PARN: variants seen among roughly 807,000 people sequenced by gnomAD.
The protein encoded by PARN is poly(A)-specific ribonuclease.
In PARN, 71 loss-of-function variants were observed where a neutral mutation model predicts 102.8. That is an observed-to-expected ratio of 0.69 (90% confidence interval 0.57 to 0.84). The LOEUF (loss-of-function observed/expected upper bound fraction) is 0.84, where lower values mean the gene tolerates loss of function less well. Among genes scored for constraint, PARN ranks in the 40% least tolerant of loss-of-function variants. The pLI, the probability that PARN is intolerant of heterozygous loss-of-function variation, is 0.00. For missense variants in PARN, 782 were observed against 760.9 expected (o/e 1.03, Z -0.33); for synonymous variants, 261 against 252.9 (o/e 1.03, Z -0.30).
chr16:14,552,543 C>T (rs1290702441), intron 20 of PARN, among the ~76,000 whole-genome samples: 1 of 152,178 alleles, frequency 6.6e-6, no homozygotes, highest in African/African-American at 2.4e-5. Flanking sequence ...GTGGCACAAT[C>T]TCAGCTCACT....
At chr16:14,542,126 T>G (rs1411314704) in intron 21 of PARN, among the ~76,000 whole-genome samples, 1 of 151,758 alleles carries the variant, frequency 6.6e-6, no homozygotes, top group Non-Finnish European at 1.5e-5. Flanking sequence ...CACCTCAGCC[T>G]CCTAAGTAGC....
intron 6 of PARN, among the ~76,000 whole-genome samples, chr16:14,614,292 G>A (rs1481108077): frequency 6.6e-6 from 1 of 151,908 alleles, no homozygotes; most frequent in African/African-American, 2.4e-5. Context: ...AATGAGAGGT[G>A]CAGTTTTTGA....
chr16:14,470,440 T>TG (rs1170896033), intron 22 of PARN, among the ~76,000 whole-genome samples: 65 of 98,802 alleles, frequency 6.6e-4, no homozygotes, highest in African/African-American at 1.6e-3. Flanking sequence ...TTTGGATGAT[T>TG]ATTATTATTA....
intron 6 of PARN, among the ~76,000 whole-genome samples, chr16:14,617,107 A>T (rs1282120298): frequency 6.6e-6 from 1 of 151,172 alleles, no homozygotes; most frequent in East Asian, 1.9e-4. Context: ...ACAGTAGGCC[A>T]GGCGTGGTGG....
intron 12 of PARN, among the ~76,000 whole-genome samples, chr16:14,599,365 C>G (rs1430204936): frequency 6.6e-6 from 1 of 152,012 alleles, no homozygotes; most frequent in Non-Finnish European, 1.5e-5. Context: ...AAAGGCCTCA[C>G]AAAGCAAGGA....
intron 20 of PARN, among the ~76,000 whole-genome samples, chr16:14,552,901 T>C (rs1427282107): frequency 6.6e-6 from 1 of 151,874 alleles, no homozygotes; most frequent in East Asian, 1.9e-4. Flanking sequence ...TGAGCCGAGA[T>C]CGCGCCATTG....
intron 18 of PARN, among the ~76,000 whole-genome samples, chr16:14,575,912 T>C (rs1326160506): frequency 1.3e-5 from 2 of 152,202 alleles, no homozygotes; most frequent in African/African-American, 4.8e-5. Flanking sequence ...TGCACTGTTC[T>C]CGTGATAGTG....
intron 6 of PARN, 99 bp downstream of exon 6, chr16:14,617,491 G>A: frequency 1.4e-6 from 1 of 718,970 alleles, no homozygotes; most frequent in South Asian, 1.5e-5. Context: ...CTGTGTCTCA[G>A]CAGGCACAAA....
intron 6 of PARN, among the ~76,000 whole-genome samples, chr16:14,615,466 A>G (rs1015164528): frequency 1.3e-5 from 2 of 152,198 alleles, no homozygotes; most frequent in Admixed American, 1.3e-4. Context: ...AATAAAAAAA[A>G]TTCTTTATAA....
chr16:14,480,368 CA>C (rs967114390), intron 22 of PARN, among the ~76,000 whole-genome samples: 13 of 152,162 alleles, frequency 8.5e-5, no homozygotes, highest in Admixed American at 3.3e-4. Flanking sequence ...TGCTCATTTA[CA>C]AACATCACAA....
intron 9 of PARN, 100 bp downstream of exon 9, chr16:14,608,181 A>C: frequency 1.2e-6 from 1 of 832,934 alleles, no homozygotes; most frequent in Non-Finnish European, 1.9e-6. Context: ...ATCACTGAGA[A>C]CCGCAGAATT....
In PARN at chr16:14,582,206, G is replaced by A; in HGVS notation, c.1167C>T (p.Cys389=). 1.3e-6 allele frequency: 2 copies of A among 1,572,214 alleles called. No homozygotes were observed. The highest frequency in any genetic ancestry group is 8.8e-7 in the Non-Finnish European group (1 of 1,141,782). Residue 389 remains cysteine (C), a synonymous_variant, in exon 17 of 24, where the codon TGC becomes TGT. Coordinates refer to ENST00000437198, the MANE Select transcript of PARN (RefSeq NM_002582.4). The stretch of plus-strand genomic sequence containing the variant: ...CTAGGTAATTGGCCATGGAGATGAA[G>A]CACAGCCCTGTGATGTAGGCATCGT... ...AGYDAYITGL[C]FISMANYLGS...
At chr16:14,620,193 T>G (rs926800043) in intron 5 of PARN, among the ~76,000 whole-genome samples, 2 of 150,136 alleles carry the variant, frequency 1.3e-5, no homozygotes, top group African/African-American at 4.9e-5. Flanking sequence ...CTGGCTAACA[T>G]GGTGAAACCC....
At chr16:14,570,936 G>T (rs550935617) in intron 18 of PARN, among the ~76,000 whole-genome samples, 38 of 152,162 alleles carry the variant, frequency 2.5e-4, no homozygotes, top group Admixed American at 1.2e-3. Context: ...AGTGAGCCAT[G>T]ATCGTGCCTC....
intron 9 of PARN, among the ~76,000 whole-genome samples, chr16:14,607,752 A>G (rs1248291184): frequency 1.3e-5 from 2 of 152,212 alleles, no homozygotes; most frequent in Non-Finnish European, 2.9e-5. Flanking sequence ...ACAGAAGAAC[A>G]AGGTCCCCAA....
chr16:14,599,037 C>CTTTTTT (rs71150194), intron 12 of PARN, among the ~76,000 whole-genome samples: 40 of 81,440 alleles, frequency 4.9e-4, no homozygotes, highest in Admixed American at 6.4e-4. Context: ...TTCTCCTCTT[C>CTTTTTT]TTTTTTTTTT....
chr16:14,479,415 C>A, intron 22 of PARN, among the ~76,000 whole-genome samples: 1 of 151,080 alleles, frequency 6.6e-6, no homozygotes. Flanking sequence ...AGTGAGACCC[C>A]CATCTCTATT....
At chr16:14,464,539 T>G (rs1962206167) in intron 22 of PARN, among the ~76,000 whole-genome samples, 1 of 152,106 alleles carries the variant, frequency 6.6e-6, no homozygotes, top group Non-Finnish European at 1.5e-5. Flanking sequence ...GCAGATCACC[T>G]GAGGTAAGGA....
chr16:14,626,498 T>C (rs938001264), intron 5 of PARN, among the ~76,000 whole-genome samples: 7 of 152,100 alleles, frequency 4.6e-5, no homozygotes, highest in Admixed American at 4.6e-4. Flanking sequence ...GGGGGTAAAA[T>C]AATAAAAATC....
Sources: allele counts gnomAD v4.1 joint callset (sites outside exome capture counted in the v4.1 genomes callset), GRCh38; gene constraint gnomAD v4.1.1; transcripts MANE v1.5; gene names NCBI Gene and HGNC (gene_info 2026-07-23, HGNC 2026-07-21).